ZNF777: variants seen among roughly 807,000 people sequenced by gnomAD.
The protein encoded by ZNF777 is zinc finger protein 777.
Under a neutral mutation model 72.1 loss-of-function variants are expected in ZNF777, and 7 were observed. That is an observed-to-expected ratio of 0.10 (90% CI 0.06 to 0.18). The LOEUF (loss-of-function observed/expected upper bound fraction) is 0.18. Ranked by LOEUF, ZNF777 falls within the 10% of genes least tolerant of loss-of-function variation. ZNF777 has a pLI of 1.00. For missense variants in ZNF777, 828 were observed against 1,128.6 expected, an observed-to-expected ratio of 0.73 and a Z score of 3.82; for synonymous variants, 545 against 483.5, an observed-to-expected ratio of 1.13 and a Z score of -1.67.
chr7:149,453,171 T>C (rs1317573470), intron 3 of ZNF777, among the ~76,000 whole-genome samples: 1 of 152,204 alleles, frequency 6.6e-6, no homozygotes, highest in Admixed American at 6.5e-5. Context: ...CAGGCCAAAG[T>C]GTTCATGGTG....
intron 4 of ZNF777, among the ~76,000 whole-genome samples, chr7:149,440,546 C>T (rs921198640): frequency 2.6e-5 from 4 of 151,634 alleles, no homozygotes; most frequent in Non-Finnish European, 4.4e-5. Flanking sequence ...TTTGTAGAGA[C>T]GAGGTCTCCC....
At chr7:149,438,487 T>C (rs998343723) in intron 4 of ZNF777, among the ~76,000 whole-genome samples, 2 of 152,232 alleles carry the variant, frequency 1.3e-5, no homozygotes, top group Admixed American at 1.3e-4. Flanking sequence ...CACATATTCA[T>C]TCATTCATCG....
At chr7:149,454,979 C>T (rs988434575) in intron 2 of ZNF777, among the ~76,000 whole-genome samples, 198 bp downstream of exon 2, 5 of 152,242 alleles carry the variant, frequency 3.3e-5, no homozygotes, top group Admixed American at 2.0e-4. Flanking sequence ...TGACAATCCC[C>T]GATCCCAGGG....
intron 4 of ZNF777, among the ~76,000 whole-genome samples, chr7:149,439,535 T>G (rs1314984171): frequency 6.6e-6 from 1 of 152,214 alleles, no homozygotes; most frequent in Non-Finnish European, 1.5e-5. Context: ...CATTATTCAC[T>G]TAAAAATACA....
Position 149,455,921 on chromosome 7 carries a change from T to C in ZNF777, c.102A>G (p.Gln34=), listed in dbSNP as rs1799819775. The C allele has an allele frequency of 1.2e-6, 2 of 1,613,428 alleles. No individual in the cohort carries two copies. Among genetic ancestry groups the C allele is most frequent in the Non-Finnish European group, 8.5e-7 (1 of 1,179,914 alleles). ...PAGLPRETLF[Q]SRVLPPKEIP... ...TTTCTTTGGGAGGAAGAACGCGGGA[T>C]TGGAACAGAGTTTCTCGGGGGAGTC... is the stretch of plus-strand genomic sequence containing the variant. The change falls in exon 2 of 6, where the codon CAA becomes CAG. Residue 34 remains glutamine, a synonymous_variant. Transcript: ENST00000247930. The surrounding 1 kb of genome is among the most constrained non-coding windows in gnomAD (Gnocchi z 4.2).
chr7:149,457,389 T>C (rs756613965), intron 1 of ZNF777, among the ~76,000 whole-genome samples: 1 of 152,242 alleles, frequency 6.6e-6, no homozygotes, highest in Non-Finnish European at 1.5e-5. Flanking sequence ...TGGTCTTTAA[T>C]TAAAATTTCA....
chr7:149,432,591 G>A lies in ZNF777; in HGVS notation c.1681C>T (p.Leu561Phe). 6.2e-7 allele frequency: 1 copy of A among 1,613,704 alleles called. No individual in the cohort carries two copies. Among genetic ancestry groups the A allele is most frequent in the African/African-American group, 1.3e-5 (1 of 74,962 alleles). ...ATGTGGTTGCGCTGGTGGATGATGA[G>A]GTTGATCTTCAGGCGGAAGCTCTTG... ...CGKSFRLKIN[L>F]IIHQRNHIKE... is the part of the protein sequence containing the mutation. Residue 561 changes from leucine to phenylalanine, a missense_variant, in exon 6 of 6, where the codon CTC becomes TTC. Leu to Phe is a conservative substitution (Grantham distance 22). Transcript: ENST00000247930.
At position 149,431,735 on chromosome 7, in the gene ZNF777, G is replaced by A. The variant is rs1477026616; in HGVS notation, c.*41C>T. The A allele has an allele frequency of 1.5e-6, 2 of 1,318,690 alleles. No individual in the cohort carries two copies. Among genetic ancestry groups the A allele is most frequent in the East Asian group, 3.7e-5 (1 of 27,146 alleles). 81.7% of individuals were successfully genotyped at this position (1,318,690 alleles called of 1,614,324 possible). ...CCTGGCGGTGTCCGAGGGGGGGCAC[G>A]GCCCGCGCACCTGGCCGGGCGGCGG... On this transcript the variant is annotated 3_prime_UTR_variant, in exon 6 of 6. Transcript: ENST00000247930.
In ZNF777 at chr7:149,431,415, GTAATTA is replaced by G. The variant is rs905417214; in HGVS notation, c.*355_*360del. On this transcript the variant is annotated 3_prime_UTR_variant, in exon 6 of 6. Transcript: ENST00000247930. ...CAAATAGAACCACAGTATCCAAAAG[GTAATTA>G]TAAAGTTCTATCCCCAACTAGATGG... 7 of 416,734 alleles carry G rather than the reference GTAATTA, an allele frequency of 1.7e-5. No individual in the cohort carries two copies. In the Admixed American group the frequency reaches 2.2e-4, roughly 13 times the overall value. 25.8% of individuals were successfully genotyped at this position (416,734 alleles called of 1,614,324 possible).
intron 5 of ZNF777, among the ~76,000 whole-genome samples, chr7:149,434,758 C>A (rs919262619): frequency 6.6e-6 from 1 of 151,900 alleles, no homozygotes; most frequent in Non-Finnish European, 1.5e-5. Context: ...AATTTTTATA[C>A]TTTTAGTAGA....
At chr7:149,453,597 A>G (rs1799766727) in intron 3 of ZNF777, among the ~76,000 whole-genome samples, 1 of 152,166 alleles carries the variant, frequency 6.6e-6, no homozygotes, top group South Asian at 2.1e-4. Flanking sequence ...CTCCCTGATC[A>G]CAGCCTCAGT....
chr7:149,439,711 GTGTA>G lies in ZNF777; in HGVS notation c.1088-2889_1088-2886del, dbSNP rs984719432. ...TCCTCTGCCACTCTGCCACAAAAAT[GTGTA>G]TGTAAGTTGAAAGTTTAATTTTGCT... On this transcript the variant is annotated intron_variant, in intron 4 of 5. Transcript: ENST00000247930. Among the ~76,000 whole-genome samples, 8 of 152,302 alleles carry G rather than the reference GTGTA, an allele frequency of 5.3e-5. No homozygotes were observed. The South Asian group carries it at 1.0e-3, about 20-fold the overall frequency.
At chr7:149,441,412 C>T (rs1395828355) in intron 4 of ZNF777, among the ~76,000 whole-genome samples, 2 of 152,164 alleles carry the variant, frequency 1.3e-5, no homozygotes, top group Admixed American at 6.6e-5. Context: ...CTAAGTTTTA[C>T]AACTTTAAGC....
intron 5 of ZNF777, among the ~76,000 whole-genome samples, chr7:149,433,694 T>C (rs1371721067): frequency 1.3e-5 from 2 of 152,202 alleles, no homozygotes; most frequent in East Asian, 3.8e-4. Flanking sequence ...CAGCCTCTCA[T>C]GGGTGGAAGA....
chr7:149,437,888 C>T (rs1389087396), intron 4 of ZNF777, among the ~76,000 whole-genome samples: 1 of 121,800 alleles, frequency 8.2e-6, no homozygotes, highest in Non-Finnish European at 1.7e-5. Flanking sequence ...AAACCAATTT[C>T]TTTTTTTTTT....
chr7:149,447,202 T>G (rs2116590652), intron 4 of ZNF777, among the ~76,000 whole-genome samples: 1 of 152,188 alleles, frequency 6.6e-6, no homozygotes, highest in Middle Eastern at 3.4e-3. Flanking sequence ...AAAGCCAGGG[T>G]TCTGCAGGGC....
chr7:149,455,750 A>C lies in ZNF777; in HGVS notation c.273T>G (p.Thr91=), dbSNP rs1198281896. 22 of 1,591,942 alleles carry C rather than the reference A, an allele frequency of 1.4e-5. No individual in the cohort carries two copies. The highest frequency in any genetic ancestry group is 3.5e-5 in the Admixed American group (2 of 56,986). ...GGGAAGCCAGGGGGCCCTGGAGAGAAGTCTCTTGCTCAGAAGCGGCAGAAC... is the reference window on the plus strand; with the variant it reads ...GGGAAGCCAGGGGGCCCTGGAGAGACGTCTCTTGCTCAGAAGCGGCAGAAC... The part of the protein sequence containing the change: ...LLCSAASEQE[T]SLQGPLASQE... The change falls in exon 2 of 6, where the codon ACT becomes ACG. Residue 91 remains threonine (T), a synonymous_variant. Coordinates refer to ENST00000247930, the MANE Select transcript of ZNF777 (RefSeq NM_015694.3). This position sits in a 1 kb window ranked among gnomAD's most constrained non-coding sequence, Gnocchi z 4.2.
At position 149,460,507 on chromosome 7, in the gene ZNF777, G is replaced by C; in HGVS notation, c.-16+308C>G. Among the ~76,000 whole-genome samples the C allele has an allele frequency of 6.6e-6, 1 of 150,598 alleles. No individual in the cohort carries two copies. The highest frequency in any genetic ancestry group is 2.1e-4 in the South Asian group (1 of 4,832). The stretch of plus-strand genomic sequence containing the variant: ...CGGCTGGGACCCCAGCTCCGGCCCC[G>C]GCCCCGGCTGCGAGCTGCGCTGCCG... On this transcript the variant is annotated intron_variant, in intron 1 of 5. Transcript: ENST00000247930. This position sits in a 1 kb window ranked among gnomAD's most constrained non-coding sequence, Gnocchi z 6.1.
At chr7:149,450,691 CA>C (rs1799696520) in intron 4 of ZNF777, among the ~76,000 whole-genome samples, 1 of 152,184 alleles carries the variant, frequency 6.6e-6, no homozygotes, top group Admixed American at 6.5e-5. Flanking sequence ...GAATTTTAAG[CA>C]CTAATGACTG....
Sources: gnomAD v4.1 joint callset for allele counts (sites outside exome capture counted in the v4.1 genomes callset) on GRCh38, gnomAD v4.1.1 for gene constraint, Gnocchi (gnomAD v3.1) non-coding constraint, MANE v1.5 for transcripts, NCBI Gene and HGNC (gene_info 2026-07-23, HGNC 2026-07-21) for gene names.